The following ALPK1 variants were observed in gnomAD, a reference collection of about 807,000 sequenced individuals.
The protein encoded by ALPK1 is alpha kinase 1.
A neutral mutation model predicts 120.6 loss-of-function variants in ALPK1; 110 were observed. That is an observed-to-expected ratio of 0.91 (90% CI 0.78 to 1.07). The LOEUF (loss-of-function observed/expected upper bound fraction) is 1.07, where lower values mean the gene tolerates loss of function less well. ALPK1 is among the 50% of genes least tolerant of loss of function. ALPK1 has a pLI of 0.00. For synonymous variants in ALPK1, 582 were observed against 560.3 expected (o/e 1.04, Z -0.55); for missense variants, 1,498 against 1,483.9 (o/e 1.01, Z -0.16).
intron 5 of ALPK1, among the ~76,000 whole-genome samples, chr4:112,420,574 G>A (rs547550732): frequency 5.3e-5 from 8 of 152,262 alleles, no homozygotes; most frequent in African/African-American, 1.9e-4. Flanking sequence ...GGCATGCAAT[G>A]GGGATATAGG....
intron 2 of ALPK1, chr4:112,316,390 A>G (rs1323333500): frequency 2.0e-5 from 3 of 152,198 alleles, no homozygotes; most frequent in Non-Finnish European, 4.4e-5. Flanking sequence ...TTGCATGTAC[A>G]TACCAATTTT....
rs13152744 is a variant in ALPK1 at position 112,437,192 on chromosome 4, A to T, written c.3189-1292A>T. On this transcript the variant is annotated intron_variant, in intron 12 of 15. Transcript: ENST00000650871. ...TTACGTACATAGAAATGTCAATTTG[A>T]CCTACAGCTGGTTTCTTCATAGCAA... is the stretch of plus-strand genomic sequence containing the variant. 6.1e-3 allele frequency among the ~76,000 whole-genome samples: 932 copies of T among 152,264 alleles called. 10 individuals are homozygous for T. The highest frequency in any genetic ancestry group is 8.7e-3 in the Non-Finnish European group (589 of 68,002).
At chr4:112,439,941 C>G in intron 14 of ALPK1, 69 bp downstream of exon 14, 2 of 1,331,994 alleles carry the variant, frequency 1.5e-6, no homozygotes, top group Non-Finnish European at 2.0e-6. Flanking sequence ...TAACTAGCTT[C>G]CCTAATCTTT....
intron 4 of ALPK1, among the ~76,000 whole-genome samples, chr4:112,403,660 A>C (rs1220983245): frequency 6.6e-6 from 1 of 152,242 alleles, no homozygotes; most frequent in Non-Finnish European, 1.5e-5. Context: ...TAAACACTTT[A>C]GAAATGAATT....
intron 2 of ALPK1, among the ~76,000 whole-genome samples, chr4:112,373,395 G>A (rs1452851374): frequency 1.3e-5 from 2 of 152,210 alleles, no homozygotes; most frequent in Non-Finnish European, 2.9e-5. Flanking sequence ...CTAATAGCCA[G>A]CTTGTGGCAT....
At chr4:112,388,626 A>C (rs1375366634) in intron 4 of ALPK1, among the ~76,000 whole-genome samples, 122 of 65,634 alleles carry the variant, frequency 1.9e-3, no homozygotes, top group African/African-American at 5.5e-3. Flanking sequence ...CAAGTTGCAA[A>C]AAAAAAAAAA....
At chr4:112,336,525 G>A (rs1175010354) in intron 2 of ALPK1, among the ~76,000 whole-genome samples, 4 of 152,074 alleles carry the variant, frequency 2.6e-5, no homozygotes, top group Non-Finnish European at 5.9e-5. Flanking sequence ...ATAATTTTTA[G>A]CATCTTTATG....
chr4:112,383,066 A>G (rs747421257), intron 4 of ALPK1: 24 of 154,688 alleles, frequency 1.6e-4, no homozygotes, highest in Non-Finnish European at 3.2e-4. Context: ...AAAGTCATTG[A>G]CATGCTTATT....
At chr4:112,343,917 TA>T (rs1292275782) in intron 2 of ALPK1, among the ~76,000 whole-genome samples, 1 of 152,184 alleles carries the variant, frequency 6.6e-6, no homozygotes, top group African/African-American at 2.4e-5. Context: ...GAAAGTAATG[TA>T]AATCCAGTTT....
At chr4:112,340,191 T>G (rs1729797288) in intron 2 of ALPK1, among the ~76,000 whole-genome samples, 1 of 152,212 alleles carries the variant, frequency 6.6e-6, no homozygotes, top group Non-Finnish European at 1.5e-5. Context: ...AGCCTGTAGC[T>G]CTTTAAAGAG....
At chr4:112,350,994 A>G (rs532242586) in intron 2 of ALPK1, among the ~76,000 whole-genome samples, 1 of 152,294 alleles carries the variant, frequency 6.6e-6, no homozygotes, top group South Asian at 2.1e-4. Context: ...TCATCAGTGC[A>G]GGAGCCTGGA....
chr4:112,331,320 G>C lies in ALPK1; in HGVS notation c.-101+15468G>C, dbSNP rs530559504. On this transcript the variant is annotated intron_variant, in intron 2 of 15. Transcript: ENST00000650871. ...AGACCTTTGGTGGACATTTACATGG[G>C]GCACAAGTATTCTGATATCATAAAC... 7.9e-5 allele frequency among the ~76,000 whole-genome samples: 12 copies of C among 152,166 alleles called. No individual in the cohort carries two copies. In the South Asian group the frequency reaches 1.9e-3, roughly 24 times the overall value.
intron 2 of ALPK1, among the ~76,000 whole-genome samples, chr4:112,342,011 T>C (rs1729883678): frequency 6.6e-6 from 1 of 152,160 alleles, no homozygotes; most frequent in African/African-American, 2.4e-5. Context: ...AGAAGCAAGC[T>C]TACATTGTGC....
intron 3 of ALPK1, among the ~76,000 whole-genome samples, chr4:112,378,585 GT>G (rs926399958): frequency 1.1e-4 from 16 of 147,590 alleles, no homozygotes; most frequent in African/African-American, 1.2e-4. Context: ...AATCTTCTGG[GT>G]TTTTTTTTTA....
intron 2 of ALPK1, among the ~76,000 whole-genome samples, chr4:112,362,844 A>T (rs943253934): frequency 2.6e-5 from 4 of 152,228 alleles, no homozygotes; most frequent in Non-Finnish European, 5.9e-5. Flanking sequence ...CAAAAGCATC[A>T]GGTAATCTGT....
At chr4:112,348,802 C>T (rs1374346708) in intron 2 of ALPK1, among the ~76,000 whole-genome samples, 4 of 152,184 alleles carry the variant, frequency 2.6e-5, no homozygotes, top group Admixed American at 2.6e-4. Flanking sequence ...GTCTGCCAAT[C>T]CCCAGGCCAG....
intron 1 of ALPK1, among the ~76,000 whole-genome samples, chr4:112,300,771 C>T (rs138338876): frequency 8.6e-5 from 13 of 150,848 alleles, no homozygotes; most frequent in African/African-American, 2.9e-4. Context: ...CCTCTTAACT[C>T]ATTTCTTGTT....
At chr4:112,407,872 C>A (rs1733260376) in intron 4 of ALPK1, among the ~76,000 whole-genome samples, 3 of 152,108 alleles carry the variant, frequency 2.0e-5, no homozygotes, top group African/African-American at 7.2e-5. Context: ...CTTTGGGAGG[C>A]TCAGGTGGGC....
Position 112,424,016 on chromosome 4 carries a change from A to C in ALPK1, c.535+13A>C, listed in dbSNP as rs767363240. On this transcript the variant is annotated intron_variant, in intron 6 of 15. Coordinates refer to ENST00000650871, the MANE Select transcript of ALPK1 (RefSeq NM_025144.4). The stretch of plus-strand genomic sequence containing the variant: ...AATGGAGCAACGGGTGAGTACTTTC[A>C]TATCTTCACAATGACTTTTACCTCA... The C allele has an allele frequency of 6.2e-7, 1 of 1,612,426 alleles. No homozygotes were observed. Among genetic ancestry groups the C allele is most frequent in the Non-Finnish European group, 8.5e-7 (1 of 1,179,202 alleles).
Sources: gnomAD v4.1 joint callset for allele counts (sites outside exome capture counted in the v4.1 genomes callset) on GRCh38, gnomAD v4.1.1 for gene constraint, MANE v1.5 for transcripts, NCBI Gene and HGNC (gene_info 2026-07-23, HGNC 2026-07-21) for gene names.